KSR2: variants seen among roughly 807,000 people sequenced by gnomAD.
KSR2 encodes kinase suppressor of ras 2.
KSR2 carries 25 observed loss-of-function variants against 107.8 expected under a neutral mutation model. That is an observed-to-expected ratio of 0.23 (90% CI 0.17 to 0.32). The LOEUF is 0.32. Ranked by LOEUF, KSR2 falls within the 10% of genes least tolerant of loss-of-function variation. The pLI is 1.00. For missense variants in KSR2, 887 were observed against 1,268.9 expected, an observed-to-expected ratio of 0.70 and a Z score of 4.57; for synonymous variants, 480 against 507.0, an observed-to-expected ratio of 0.95 and a Z score of 0.71.
intron 14 of KSR2, among the ~76,000 whole-genome samples, chr12:117,496,853 A>AT (rs879774490): frequency 0.013 from 1,882 of 143,200 alleles, 28 homozygotes; most frequent in African/African-American, 0.035. Flanking sequence ...CTGAACAGAG[A>AT]TTTTTTTTTT....
chr12:117,954,430 C>T (rs1030478634), intron 1 of KSR2, among the ~76,000 whole-genome samples: 5 of 152,222 alleles, frequency 3.3e-5, no homozygotes, highest in African/African-American at 4.8e-5. Context: ...GGAGGTGCAT[C>T]GTCTGTGGGC....
intron 1 of KSR2, among the ~76,000 whole-genome samples, chr12:117,881,617 T>C (rs1894029872): frequency 6.6e-6 from 1 of 152,230 alleles, no homozygotes; most frequent in East Asian, 1.9e-4. Flanking sequence ...ATGAAATTCT[T>C]ATGAACCTAT....
intron 3 of KSR2, among the ~76,000 whole-genome samples, chr12:117,829,712 C>T (rs1016472011): frequency 1.3e-4 from 20 of 152,340 alleles, no homozygotes; most frequent in Admixed American, 1.2e-3. Flanking sequence ...TCTGTTGCAA[C>T]TAATCAATTC....
chr12:117,630,996 G>A (rs1044593666), intron 5 of KSR2, among the ~76,000 whole-genome samples: 8 of 151,896 alleles, frequency 5.3e-5, no homozygotes, highest in Non-Finnish European at 1.0e-4. Flanking sequence ...GACAAGAGAC[G>A]GGCTGTAGAA....
intron 5 of KSR2, among the ~76,000 whole-genome samples, chr12:117,633,464 G>A (rs901990167): frequency 1.3e-5 from 2 of 152,200 alleles, no homozygotes; most frequent in Non-Finnish European, 2.9e-5. Context: ...ATCACAAACC[G>A]TGTGCCTTAA....
rs1592903607 is a variant in KSR2, at chr12:117,471,398, C to A, written c.2583-78G>T. The A allele has an allele frequency of 3.4e-6, 5 of 1,479,206 alleles. No homozygotes were observed. In the East Asian group the frequency reaches 1.2e-4, roughly 35 times the overall value. 91.6% of individuals were successfully genotyped at this position (1,479,206 alleles called of 1,614,324 possible). A position where few individuals can be genotyped will look rare whatever the true frequency, so the allele number is the denominator to read the frequency against. The stretch of plus-strand genomic sequence containing the variant: ...TTGTACCTCCATTATTAGCACACAC[C>A]CACCCAGCCAGTCTCCTGGCACCCA... On this transcript the variant is annotated intron_variant, in intron 17 of 19. Transcript: ENST00000339824.
At chr12:117,784,210 T>C (rs1271441283) in intron 3 of KSR2, among the ~76,000 whole-genome samples, 1 of 152,102 alleles carries the variant, frequency 6.6e-6, no homozygotes, top group Admixed American at 6.5e-5. Context: ...AATCCCTACA[T>C]GTCAAGGCCA....
chr12:117,883,151 C>T (rs1894078592), intron 1 of KSR2, among the ~76,000 whole-genome samples: 1 of 152,164 alleles, frequency 6.6e-6, no homozygotes, highest in South Asian at 2.1e-4. Context: ...TCCTGGTACC[C>T]ATCTAGCACC....
chr12:117,469,475 C>G (rs1481725683), intron 19 of KSR2, among the ~76,000 whole-genome samples, 187 bp downstream of exon 19: 1 of 152,130 alleles, frequency 6.6e-6, no homozygotes, highest in Non-Finnish European at 1.5e-5. Context: ...AGGACAGACT[C>G]CAGCACCCAA....
intron 1 of KSR2, among the ~76,000 whole-genome samples, chr12:117,935,634 G>A (rs1011482251): frequency 5.9e-5 from 9 of 152,258 alleles, no homozygotes; most frequent in African/African-American, 9.6e-5. Context: ...AGTAGTGGGC[G>A]CCTGTGATCC....
chr12:117,582,539 C>T (rs1879733029), intron 5 of KSR2, among the ~76,000 whole-genome samples, 180 bp from the exon 6 acceptor site: 1 of 152,212 alleles, frequency 6.6e-6, no homozygotes, highest in Admixed American at 6.5e-5. Context: ...GACGCAAGGG[C>T]CCCTGGGCAG....
At chr12:117,593,557 T>C (rs1000050481) in intron 5 of KSR2, among the ~76,000 whole-genome samples, 1 of 152,208 alleles carries the variant, frequency 6.6e-6, no homozygotes, top group African/African-American at 2.4e-5. Context: ...ATGTGCAAAA[T>C]GGAATTAATT....
chr12:117,730,498 C>T (rs1014154727), intron 4 of KSR2, among the ~76,000 whole-genome samples: 1 of 150,852 alleles, frequency 6.6e-6, no homozygotes, highest in African/African-American at 2.4e-5. Context: ...CTCTCCCTCT[C>T]CCCCTTCCAC....
intron 4 of KSR2, among the ~76,000 whole-genome samples, chr12:117,707,472 A>G (rs530276934): frequency 4.2e-4 from 64 of 152,244 alleles, no homozygotes; most frequent in Non-Finnish European, 7.9e-4. Flanking sequence ...GTAGTCTTGG[A>G]CAGCCAGGGT....
intron 9 of KSR2, among the ~76,000 whole-genome samples, chr12:117,542,334 T>C (rs866985698): frequency 6.6e-6 from 1 of 152,226 alleles, no homozygotes; most frequent in African/African-American, 2.4e-5. Context: ...ATGTTAATGA[T>C]AGTATATTTC....
At chr12:117,698,622 G>A (rs552560120) in intron 4 of KSR2, among the ~76,000 whole-genome samples, 62 of 152,108 alleles carry the variant, frequency 4.1e-4, no homozygotes, top group African/African-American at 1.3e-3. Context: ...CACTGTACCC[G>A]GCCAGACTTT....
At position 117,763,180 on chromosome 12, in the gene KSR2, G is replaced by C. The variant is rs373974897; in HGVS notation, c.473-1656C>G. 5.0e-3 allele frequency among the ~76,000 whole-genome samples: 760 copies of C among 151,798 alleles called. 4 individuals are homozygous for C. The highest frequency in any genetic ancestry group is 0.017 in the African/African-American group (700 of 41,396). On this transcript the variant is annotated intron_variant, in intron 3 of 19. Coordinates refer to ENST00000339824, the MANE Select transcript of KSR2 (RefSeq NM_173598.6). ...CTTGCGATAGTTTACTGAGAATGAT[G>C]ATTTCCAATTTCATCCATGTCCCTA...
At chr12:117,807,210 G>C (rs61939862) in intron 3 of KSR2, among the ~76,000 whole-genome samples, 20,260 of 152,014 alleles carry the variant, frequency 0.13, 2,078 homozygotes, top group African/African-American at 0.28. Flanking sequence ...AGAAAATGAA[G>C]CAAGTGATTC....
At chr12:117,593,665 G>C (rs1012384997) in intron 5 of KSR2, among the ~76,000 whole-genome samples, 12 of 152,210 alleles carry the variant, frequency 7.9e-5, no homozygotes, top group African/African-American at 2.9e-4. Flanking sequence ...TAAAATGGGG[G>C]CAATGAAATC....
Sources: gnomAD v4.1 joint callset for allele counts (sites outside exome capture counted in the v4.1 genomes callset) on GRCh38, gnomAD v4.1.1 for gene constraint, MANE v1.5 for transcripts, NCBI Gene and HGNC (gene_info 2026-07-23, HGNC 2026-07-21) for gene names.